The following SMYD3 variants were observed in gnomAD, a reference collection of about 807,000 sequenced individuals.
SMYD3 encodes the protein histone-lysine N-methyltransferase SMYD3.
Under a neutral mutation model 57.7 loss-of-function variants are expected in SMYD3, and 36 were observed. The ratio of observed to expected loss-of-function variants is 0.62; its 90% confidence interval spans 0.48 to 0.82. SMYD3 has a LOEUF of 0.82. Ranked by LOEUF, SMYD3 falls within the 40% of genes least tolerant of loss-of-function variation. The probability of loss-of-function intolerance (pLI) is 0.00; values close to 1 mark genes in which losing one functional copy is unlikely to be tolerated. For synonymous variants in SMYD3, 211 were observed against 195.0 expected (o/e 1.08, Z -0.68); for missense variants, 515 against 538.8 (o/e 0.96, Z 0.44).
intron 5 of SMYD3, among the ~76,000 whole-genome samples, chr1:246,214,324 AG>A (rs1197137092): frequency 2.0e-5 from 3 of 152,194 alleles, no homozygotes; most frequent in African/African-American, 7.2e-5. Flanking sequence ...CAAATGTCAT[AG>A]CAATCCAGCT....
intron 1 of SMYD3, among the ~76,000 whole-genome samples, chr1:246,380,667 G>T (rs539470502): frequency 2.0e-5 from 3 of 152,302 alleles, no homozygotes; most frequent in African/African-American, 7.2e-5. Flanking sequence ...TATTTTCAAG[G>T]ACTGTTGATG....
At chr1:245,947,355 A>G (rs955656989) in intron 5 of SMYD3, 16 of 456,956 alleles carry the variant, frequency 3.5e-5, no homozygotes, top group Middle Eastern at 3.2e-4. Context: ...ACACGGCACA[A>G]CCAGAGACAG....
chr1:246,442,792 A>C (rs922075433), intron 1 of SMYD3, among the ~76,000 whole-genome samples: 2 of 152,152 alleles, frequency 1.3e-5, no homozygotes, highest in Non-Finnish European at 2.9e-5. Context: ...TGCTTCCTCA[A>C]AGCTTTTGTG....
Position 245,956,276 on chromosome 1 carries a change from C to T in SMYD3, c.532-26339G>A, listed in dbSNP as rs117363092. On this transcript the variant is annotated intron_variant, in intron 5 of 11. Coordinates refer to ENST00000490107, the MANE Select transcript of SMYD3 (RefSeq NM_001167740.2). ...TATATGGCACATAGTATACTCTCTACAATAAATGCTTTTTAAGATAAACGA... is the reference window on the plus strand; with the variant it reads ...TATATGGCACATAGTATACTCTCTATAATAAATGCTTTTTAAGATAAACGA... 3.3e-5 allele frequency among the ~76,000 whole-genome samples: 5 copies of T among 152,270 alleles called. No homozygotes were observed. The East Asian group carries it at 7.7e-4, about 24-fold the overall frequency.
intron 5 of SMYD3, among the ~76,000 whole-genome samples, chr1:246,279,154 A>G (rs1572329506): frequency 6.6e-6 from 1 of 152,084 alleles, no homozygotes; most frequent in South Asian, 2.1e-4. Flanking sequence ...GGAGACACAC[A>G]CCCCTTGGCT....
At chr1:246,472,188 G>C (rs769557494) in intron 1 of SMYD3, among the ~76,000 whole-genome samples, 1 of 151,958 alleles carries the variant, frequency 6.6e-6, no homozygotes, top group Admixed American at 6.6e-5. Flanking sequence ...AAATCCACCC[G>C]CCTAGCACCC....
intron 10 of SMYD3, among the ~76,000 whole-genome samples, chr1:245,806,660 C>T (rs974865366): frequency 2.0e-5 from 3 of 151,958 alleles, no homozygotes; most frequent in African/African-American, 7.3e-5. Context: ...CCTGTAATCC[C>T]AGCACTTTGG....
chr1:246,335,251 C>A, intron 3 of SMYD3, 116 bp downstream of exon 3: 2 of 898,384 alleles, frequency 2.2e-6, no homozygotes, highest in South Asian at 1.7e-5. Flanking sequence ...GCAATATTTG[C>A]TTTATTGTGG....
At chr1:246,197,067 C>A (rs1038267004) in intron 5 of SMYD3, among the ~76,000 whole-genome samples, 1 of 151,394 alleles carries the variant, frequency 6.6e-6, no homozygotes, top group South Asian at 2.1e-4. Flanking sequence ...AAGTTCCCTG[C>A]GGCCAAAAGT....
At chr1:246,286,256 G>A (rs1169664645) in intron 5 of SMYD3, among the ~76,000 whole-genome samples, 1 of 152,218 alleles carries the variant, frequency 6.6e-6, no homozygotes, top group Non-Finnish European at 1.5e-5. Context: ...TGCTTTGCCA[G>A]CACTTTTGTT....
At chr1:246,142,135 C>CA (rs2061767188) in intron 5 of SMYD3, among the ~76,000 whole-genome samples, 1 of 152,150 alleles carries the variant, frequency 6.6e-6, no homozygotes, top group African/African-American at 2.4e-5. Flanking sequence ...GGATACATTT[C>CA]AAGACCCTCA....
intron 5 of SMYD3, among the ~76,000 whole-genome samples, chr1:246,182,203 A>T (rs1209526582): frequency 2.6e-5 from 4 of 152,156 alleles, no homozygotes; most frequent in Non-Finnish European, 5.9e-5. Context: ...TAAAACTTGT[A>T]AAACTCCATC....
chr1:246,085,479 AG>A (rs2060707101), intron 5 of SMYD3, among the ~76,000 whole-genome samples: 3 of 152,194 alleles, frequency 2.0e-5, no homozygotes. Flanking sequence ...TCCCCGAAGC[AG>A]GTCAAAGGAC....
At chr1:246,079,094 A>G (rs772130110) in intron 5 of SMYD3, among the ~76,000 whole-genome samples, 1 of 152,178 alleles carries the variant, frequency 6.6e-6, no homozygotes, top group Non-Finnish European at 1.5e-5. Flanking sequence ...TAGGCAGAGC[A>G]GCCAATGTGA....
At chr1:246,461,212 T>C (rs2067792605) in intron 1 of SMYD3, among the ~76,000 whole-genome samples, 1 of 152,202 alleles carries the variant, frequency 6.6e-6, no homozygotes, top group Non-Finnish European at 1.5e-5. Context: ...ATGTTTATTC[T>C]CTAGTTTAAA....
chr1:246,273,575 CTTTTTTTTT>C, intron 5 of SMYD3, among the ~76,000 whole-genome samples: 2 of 84,394 alleles, frequency 2.4e-5, no homozygotes, highest in South Asian at 1.1e-3. Context: ...TTTCACTAAT[CTTTTTTTTT>C]TTTTTTTTTT....
At chr1:246,362,366 G>T (rs936686694) in intron 1 of SMYD3, among the ~76,000 whole-genome samples, 5 of 147,426 alleles carry the variant, frequency 3.4e-5, no homozygotes, top group African/African-American at 1.3e-4. Flanking sequence ...AAATCACCTG[G>T]GTGACAAAAA....
intron 5 of SMYD3, among the ~76,000 whole-genome samples, chr1:246,185,609 C>A (rs1396255729): frequency 6.6e-6 from 1 of 151,952 alleles, no homozygotes; most frequent in Non-Finnish European, 1.5e-5. Flanking sequence ...CTACAGGCGC[C>A]CGCCACCACG....
At chr1:246,186,680 T>G (rs1023123246) in intron 5 of SMYD3, 2 of 903,320 alleles carry the variant, frequency 2.2e-6, no homozygotes, top group Non-Finnish European at 2.6e-6. Context: ...ACTTGACCTG[T>G]GAGAGTCTGG....
Sources: allele counts gnomAD v4.1 joint callset (sites outside exome capture counted in the v4.1 genomes callset), GRCh38; gene constraint gnomAD v4.1.1; transcripts MANE v1.5; gene names NCBI Gene and HGNC (gene_info 2026-07-23, HGNC 2026-07-21).